The following MALRD1 variants were observed in gnomAD, a reference collection of about 807,000 sequenced individuals.
MALRD1 encodes MAM and LDL receptor class A domain containing 1.
Under a neutral mutation model 242.1 loss-of-function variants are expected in MALRD1, and 247 were observed. That is an observed-to-expected ratio of 1.02 (90% confidence interval 0.92 to 1.13). The LOEUF (loss-of-function observed/expected upper bound fraction) is 1.13, where lower values mean the gene tolerates loss of function less well. Among genes scored for constraint, MALRD1 ranks in the 50% most tolerant of loss-of-function variants. MALRD1 has a pLI of 0.00. For synonymous variants in MALRD1, 995 were observed against 866.6 expected (o/e 1.15, Z -2.60); for missense variants, 2,989 against 2,533.1 (o/e 1.18, Z -3.86).
At chr10:19,430,982 G>T (rs1237860761) in intron 28 of MALRD1, among the ~76,000 whole-genome samples, 1 of 152,066 alleles carries the variant, frequency 6.6e-6, no homozygotes, top group East Asian at 1.9e-4. Flanking sequence ...CTAATCTTTA[G>T]TTAATAAGCC....
chr10:19,238,580 TATTA>T (rs1838604092), intron 18 of MALRD1, among the ~76,000 whole-genome samples: 3 of 85,592 alleles, frequency 3.5e-5, no homozygotes, highest in Non-Finnish European at 7.2e-5. Context: ...ACATAATGTA[TATTA>T]TATATATATA....
At chr10:19,428,812 G>C (rs892576862) in intron 28 of MALRD1, among the ~76,000 whole-genome samples, 3 of 152,126 alleles carry the variant, frequency 2.0e-5, no homozygotes, top group African/African-American at 7.2e-5. Context: ...ATTAGCTGTA[G>C]ACTCTTTTAG....
intron 21 of MALRD1, among the ~76,000 whole-genome samples, chr10:19,308,133 T>C (rs1842294785): frequency 6.6e-6 from 1 of 151,408 alleles, no homozygotes; most frequent in African/African-American, 2.4e-5. Flanking sequence ...ATTGTTTCTT[T>C]CTATTTTTTT....
Position 19,416,207 on chromosome 10 carries a change from A to G in MALRD1, c.4845+26598A>G, listed in dbSNP as rs534156496. Among the ~76,000 whole-genome samples, 7 of 152,322 alleles carry G rather than the reference A, an allele frequency of 4.6e-5. No individual in the cohort carries two copies. The South Asian group carries it at 1.2e-3, about 27-fold the overall frequency. On this transcript the variant is annotated intron_variant, in intron 28 of 39. Transcript: ENST00000454679. ...ACAAAGCAAGGTAGTGGTTGTGCCA[A>G]TTAAACTAAATGAGAGTTACAAGGA... is the stretch of plus-strand genomic sequence containing the variant.
chr10:19,162,529 T>C (rs1235915006), intron 12 of MALRD1, among the ~76,000 whole-genome samples: 1 of 152,208 alleles, frequency 6.6e-6, no homozygotes, highest in Non-Finnish European at 1.5e-5. Flanking sequence ...GTTTCCATAC[T>C]TGAGTACTGC....
intron 36 of MALRD1, among the ~76,000 whole-genome samples, chr10:19,658,710 G>A (rs1841286805): frequency 6.6e-6 from 1 of 152,088 alleles, no homozygotes; most frequent in African/African-American, 2.4e-5. Context: ...TAAGGTCCCT[G>A]CCAACTTGAA....
At chr10:19,335,965 C>G (rs1236344821) in intron 24 of MALRD1, among the ~76,000 whole-genome samples, 1 of 151,876 alleles carries the variant, frequency 6.6e-6, no homozygotes, top group Admixed American at 6.6e-5. Context: ...GCCCCCCACC[C>G]GCCGACAGCC....
chr10:19,543,133 C>T (rs12257296), intron 32 of MALRD1, among the ~76,000 whole-genome samples: 4,509 of 152,290 alleles, frequency 0.03, 178 homozygotes, highest in African/African-American at 0.094. Context: ...CAATCACACC[C>T]TACTCCCCTG....
chr10:19,200,874 T>C (rs1440536072), intron 14 of MALRD1, among the ~76,000 whole-genome samples: 1 of 152,044 alleles, frequency 6.6e-6, no homozygotes, highest in Non-Finnish European at 1.5e-5. Flanking sequence ...ATCATTAGCT[T>C]TTTAATCTAT....
intron 2 of MALRD1, among the ~76,000 whole-genome samples, chr10:19,080,399 G>C (rs144277336): frequency 8.6e-5 from 13 of 152,038 alleles, no homozygotes; most frequent in African/African-American, 3.1e-4. Context: ...CAAACAGCAT[G>C]GTACTGGTTC....
chr10:19,715,127 A>C (rs918822651), intron 38 of MALRD1, among the ~76,000 whole-genome samples: 4 of 152,068 alleles, frequency 2.6e-5, no homozygotes, highest in African/African-American at 9.7e-5. Flanking sequence ...CCATTCTTAA[A>C]ATTGAAATTG....
chr10:19,681,444 G>C (rs1589393600), intron 36 of MALRD1, among the ~76,000 whole-genome samples: 1 of 151,944 alleles, frequency 6.6e-6, no homozygotes, highest in African/African-American at 2.4e-5. Flanking sequence ...TGCTTGGTCA[G>C]TTTGGCTATT....
chr10:19,446,920 T>A (rs1835015927), intron 28 of MALRD1, among the ~76,000 whole-genome samples: 1 of 152,126 alleles, frequency 6.6e-6, no homozygotes, highest in Non-Finnish European at 1.5e-5. Flanking sequence ...GTTTTTCACT[T>A]TCACAATTTA....
intron 10 of MALRD1, among the ~76,000 whole-genome samples, chr10:19,139,485 C>T (rs1223111142): frequency 1.3e-5 from 2 of 151,998 alleles, no homozygotes; most frequent in Non-Finnish European, 2.9e-5. Flanking sequence ...ATAGCTTGTG[C>T]AGGCAGTTTG....
intron 29 of MALRD1, among the ~76,000 whole-genome samples, chr10:19,478,267 C>G (rs1021526685): frequency 1.1e-4 from 17 of 152,294 alleles, no homozygotes; most frequent in African/African-American, 4.1e-4. Flanking sequence ...AGGAAATAAT[C>G]ATCTCCCAAG....
chr10:19,263,102 T>C (rs555383310), intron 19 of MALRD1, among the ~76,000 whole-genome samples: 7 of 152,330 alleles, frequency 4.6e-5, no homozygotes, highest in South Asian at 2.1e-4. Context: ...TGGGAGTTCA[T>C]TGGAGTCCAG....
chr10:19,101,253 T>C (rs552341364), intron 4 of MALRD1, among the ~76,000 whole-genome samples: 49 of 146,468 alleles, frequency 3.3e-4, no homozygotes, highest in Non-Finnish European at 5.4e-4. Flanking sequence ...GAAATACATA[T>C]ATATATATTC....
intron 33 of MALRD1, among the ~76,000 whole-genome samples, chr10:19,568,020 G>T (rs7919783): frequency 0.09 from 13,686 of 152,124 alleles, 1,892 homozygotes; most frequent in African/African-American, 0.3. Context: ...ACAAGGCAAA[G>T]GCCCCTGTGG....
At chr10:19,604,267 C>T (rs367755025) in intron 34 of MALRD1, among the ~76,000 whole-genome samples, 24 of 152,236 alleles carry the variant, frequency 1.6e-4, no homozygotes, top group African/African-American at 5.5e-4. Context: ...CTGCTGAACC[C>T]TGGAACTCAG....
Sources: allele counts gnomAD v4.1 joint callset (sites outside exome capture counted in the v4.1 genomes callset), GRCh38; gene constraint gnomAD v4.1.1; transcripts MANE v1.5; gene names NCBI Gene and HGNC (gene_info 2026-07-23, HGNC 2026-07-21).